The following MBD5 variants were observed in gnomAD, a reference collection of about 807,000 sequenced individuals.
MBD5 encodes the protein methyl-CpG binding domain protein 5, also known as methyl-CpG-binding domain protein 5.
In MBD5, 13 loss-of-function variants were observed where a neutral mutation model predicts 117.3. The ratio of observed to expected loss-of-function variants is 0.11; its 90% CI spans 0.07 to 0.18. MBD5 has a LOEUF of 0.18. MBD5 is among the 10% of genes least tolerant of loss of function. The pLI, the probability that MBD5 is intolerant of heterozygous loss-of-function variation, is 1.00. For missense variants in MBD5, 1,879 were observed against 2,093.8 expected, an observed-to-expected ratio of 0.90 and a Z score of 2.00; for synonymous variants, 727 against 766.4, an observed-to-expected ratio of 0.95 and a Z score of 0.85.
intron 4 of MBD5, among the ~76,000 whole-genome samples, chr2:148,389,479 T>C (rs987813855): frequency 4.0e-5 from 6 of 151,300 alleles, no homozygotes; most frequent in African/African-American, 1.2e-4. Context: ...GAATGGTAGT[T>C]CTATTTTTGT....
chr2:148,294,196 GTTTTTTTTT>G (rs60942822), intron 3 of MBD5, among the ~76,000 whole-genome samples: 1 of 127,136 alleles, frequency 7.9e-6, no homozygotes, highest in African/African-American at 3.0e-5. Flanking sequence ...CCAGAATGAA[GTTTTTTTTT>G]TTTTTTTTTT....
chr2:148,188,089 T>A (rs1434905739), intron 2 of MBD5, among the ~76,000 whole-genome samples: 1 of 152,212 alleles, frequency 6.6e-6, no homozygotes, highest in Non-Finnish European at 1.5e-5. Context: ...ATTGAGTGCC[T>A]ACCCGATGCT....
At chr2:148,380,556 A>G (rs952051854) in intron 4 of MBD5, among the ~76,000 whole-genome samples, 2 of 152,216 alleles carry the variant, frequency 1.3e-5, no homozygotes, top group African/African-American at 4.8e-5. Context: ...AAAACTAAAC[A>G]TGTAAAATTT....
chr2:148,427,526 A>G (rs1160143665), intron 4 of MBD5, among the ~76,000 whole-genome samples: 1 of 152,166 alleles, frequency 6.6e-6, no homozygotes. Context: ...ATTCTCAGCA[A>G]ACTATCACAA....
At chr2:148,441,810 A>C (rs1467176094) in intron 4 of MBD5, among the ~76,000 whole-genome samples, 2 of 151,970 alleles carry the variant, frequency 1.3e-5, no homozygotes, top group Admixed American at 6.6e-5. Context: ...AACTGGTGTG[A>C]GATGGTATCT....
chr2:148,098,500 A>C (rs967812854), intron 1 of MBD5, among the ~76,000 whole-genome samples: 1 of 152,144 alleles, frequency 6.6e-6, no homozygotes, highest in Admixed American at 6.5e-5. Context: ...GAGTTTGCAC[A>C]GGGGGAATGT....
chr2:148,440,194 C>T (rs1355794310), intron 4 of MBD5, among the ~76,000 whole-genome samples: 1 of 152,176 alleles, frequency 6.6e-6, no homozygotes, highest in East Asian at 1.9e-4. Context: ...CTAGTCTAAT[C>T]TATTATTTTT....
At position 148,059,927 on chromosome 2, in the gene MBD5, T is replaced by C. The variant is rs565915297; in HGVS notation, c.-925+38243T>C. ...ACAGGATCAGAGAGGATCTTGGTTA[T>C]TGGTGACTGGTGAGATTCTGTTGGG... On this transcript the variant is annotated intron_variant, in intron 1 of 13. Transcript: ENST00000642680. 2.0e-3 allele frequency among the ~76,000 whole-genome samples: 308 copies of C among 151,366 alleles called. 3 individuals are homozygous for C. Among genetic ancestry groups the C allele is most frequent in the Non-Finnish European group, 3.7e-3 (249 of 67,798 alleles).
At chr2:148,506,513 G>A (rs1307836628) in intron 12 of MBD5, among the ~76,000 whole-genome samples, 1 of 152,116 alleles carries the variant, frequency 6.6e-6, no homozygotes, top group African/African-American at 2.4e-5. Flanking sequence ...TGACTTTTAG[G>A]TCTCACCCAA....
intron 4 of MBD5, among the ~76,000 whole-genome samples, chr2:148,408,987 G>A (rs1705170401): frequency 6.6e-6 from 1 of 152,054 alleles, no homozygotes; most frequent in Admixed American, 6.6e-5. Context: ...TTTATGTCAG[G>A]GACTTGAGCA....
At chr2:148,187,270 G>T (rs1214196531) in intron 2 of MBD5, among the ~76,000 whole-genome samples, 3 of 151,804 alleles carry the variant, frequency 2.0e-5, no homozygotes, top group Non-Finnish European at 4.4e-5. Context: ...AACTGAATTA[G>T]AGAGTAAGAA....
rs536106499 is a variant in MBD5 at position 148,124,572 on chromosome 2, A to G, written c.-924-54128A>G. 4.9e-4 allele frequency among the ~76,000 whole-genome samples: 75 copies of G among 152,250 alleles called. 1 individual carries two copies. The South Asian group carries it at 0.015, about 31-fold the overall frequency. On this transcript the variant is annotated intron_variant, in intron 1 of 13. Coordinates refer to ENST00000642680, the MANE Select transcript of MBD5 (RefSeq NM_001378120.1). ...CAGCCTGGGTGACAGAGTTAAACCC[A>G]TTTTCAAAAAAGAAAGAATAATTAC...
intron 4 of MBD5, among the ~76,000 whole-genome samples, chr2:148,355,404 A>G (rs1703356273): frequency 1.4e-5 from 2 of 145,854 alleles, no homozygotes; most frequent in Non-Finnish European, 1.5e-5. Flanking sequence ...TAGGGTTTTT[A>G]TAGTTTTAGG....
Position 148,236,192 on chromosome 2 carries a change from C to T in MBD5, c.-680+2797C>T, listed in dbSNP as rs770482756. 1.1e-3 allele frequency among the ~76,000 whole-genome samples: 162 copies of T among 151,820 alleles called. 1 individual carries two copies. Among genetic ancestry groups the T allele is most frequent in the South Asian group, 1.2e-3 (6 of 4,818 alleles). ...TGGCTGAAGATTGGGATGGCTGTGG[C>T]GATATATTGAAATAAGACAGCAAGG... On this transcript the variant is annotated intron_variant, in intron 3 of 13. Transcript: ENST00000642680.
At position 148,294,511 on chromosome 2, in the gene MBD5, T is replaced by TTTTGTTTTTTTTTTTG. The variant is rs1559009568; in HGVS notation, c.-679-47700_-679-47699insGTTTTTTTTTTTGTTT. On this transcript the variant is annotated intron_variant, in intron 3 of 13. Transcript: ENST00000642680. Reference sequence around the variant, plus strand: ...AGTGCTGGGATTACAGTTTTTTTTTTTTTTTTTTTTGAGATAGAGCTGGCT... The same window carrying TTTTGTTTTTTTTTTTG: ...AGTGCTGGGATTACAGTTTTTTTTTTTTTGTTTTTTTTTTTGTTTTTTTTTTGAGATAGAGCTGGCT... Among the ~76,000 whole-genome samples, 15 of 142,108 alleles carry TTTTGTTTTTTTTTTTG rather than the reference T, an allele frequency of 1.1e-4. 1 individual carries two copies. The East Asian group carries it at 2.0e-3, about 19-fold the overall frequency. The allele number at this position is 142,108 out of a possible 152,430, so 93.2% of individuals were successfully genotyped here.
chr2:148,040,793 T>A (rs530193932), intron 1 of MBD5, among the ~76,000 whole-genome samples: 1 of 152,182 alleles, frequency 6.6e-6, no homozygotes, highest in Non-Finnish European at 1.5e-5. Context: ...TTCTTGGCCC[T>A]GTGGGTGCAC....
chr2:148,029,228 T>C (rs1409961855), intron 1 of MBD5, among the ~76,000 whole-genome samples: 1 of 139,858 alleles, frequency 7.2e-6, no homozygotes, highest in Non-Finnish European at 1.5e-5. Context: ...AAAATTAAGC[T>C]TTTTTTTTTT....
intron 1 of MBD5, among the ~76,000 whole-genome samples, chr2:148,037,467 A>G (rs535661077): frequency 1.3e-5 from 2 of 151,992 alleles, no homozygotes; most frequent in African/African-American, 2.4e-5. Flanking sequence ...ATATCAAGTT[A>G]TATTTACATA....
At chr2:148,474,572 T>C (rs1305958847) in intron 8 of MBD5, among the ~76,000 whole-genome samples, 1 of 152,148 alleles carries the variant, frequency 6.6e-6, no homozygotes, top group Non-Finnish European at 1.5e-5. Context: ...TTTAAACACA[T>C]GAAAATTTAA....
Sources: allele counts gnomAD v4.1 joint callset (sites outside exome capture counted in the v4.1 genomes callset), GRCh38; gene constraint gnomAD v4.1.1; transcripts MANE v1.5; gene names NCBI Gene and HGNC (gene_info 2026-07-23, HGNC 2026-07-21).